The following EYA1 variants were observed in gnomAD, a reference collection of about 807,000 sequenced individuals.
The protein encoded by EYA1 is EYA transcriptional coactivator and phosphatase 1.
EYA1 carries 16 observed loss-of-function variants against 82.0 expected under a neutral mutation model. The observed-to-expected ratio is 0.20, with a 90% CI of 0.13 to 0.30. EYA1 has a LOEUF of 0.30. EYA1 is among the 10% of genes least tolerant of loss of function. The pLI, the probability that EYA1 is intolerant of heterozygous loss-of-function variation, is 1.00. For synonymous variants in EYA1, 261 were observed against 264.4 expected, an observed-to-expected ratio of 0.99 and a Z score of 0.12; for missense variants, 633 against 730.7, an observed-to-expected ratio of 0.87 and a Z score of 1.54.
At chr8:71,498,133 T>C (rs1046524907) in intron 2 of EYA1, among the ~76,000 whole-genome samples, 6 of 152,194 alleles carry the variant, frequency 3.9e-5, no homozygotes, top group Non-Finnish European at 8.8e-5. Flanking sequence ...AAGAGATCTA[T>C]TGATCAACAC....
intron 2 of EYA1, among the ~76,000 whole-genome samples, chr8:71,504,048 A>G (rs904558330): frequency 2.0e-5 from 3 of 152,152 alleles, no homozygotes; most frequent in African/African-American, 7.2e-5. Flanking sequence ...GTGTACATAA[A>G]TGTTTTATTT....
intron 1 of EYA1, among the ~76,000 whole-genome samples, chr8:71,546,799 T>A (rs1056845448): frequency 6.6e-6 from 1 of 152,164 alleles, no homozygotes; most frequent in Non-Finnish European, 1.5e-5. Flanking sequence ...CCACAACGCC[T>A]GGCCCGATTC....
At position 71,305,189 on chromosome 8, in the gene EYA1, C is replaced by A. The variant is rs779204840; in HGVS notation, c.557-5469G>T. 7.7e-5 allele frequency among the ~76,000 whole-genome samples: 11 copies of A among 143,210 alleles called. No homozygotes were observed. In the South Asian group the frequency reaches 1.4e-3, roughly 18 times the overall value. The allele number at this position is 143,210 out of a possible 152,430, so 94.0% of individuals were successfully genotyped here. On this transcript the variant is annotated intron_variant, in intron 7 of 17. Coordinates refer to ENST00000340726, the MANE Select transcript of EYA1 (RefSeq NM_000503.6). ...AATCAAAATAATATAGAAGTATTTT[C>A]TTTTCTAGAAACAAATGACTTTACA...
chr8:71,417,487 C>T (rs1830918052), intron 2 of EYA1, among the ~76,000 whole-genome samples: 1 of 152,080 alleles, frequency 6.6e-6, no homozygotes, highest in Admixed American at 6.5e-5. Context: ...CTGAGCATTC[C>T]ATTATATCGA....
At chr8:71,267,972 G>A (rs1395834797) in intron 11 of EYA1, among the ~76,000 whole-genome samples, 1 of 152,182 alleles carries the variant, frequency 6.6e-6, no homozygotes, top group Non-Finnish European at 1.5e-5. Flanking sequence ...TTAAACTCAT[G>A]GTATTTGTAA....
rs564481190 is a variant in EYA1, at chr8:71,404,676, T to G, written c.34-48165A>C. The G allele has an allele frequency of 4.6e-5, 7 of 152,394 alleles. 1 individual carries two copies. The East Asian group carries it at 1.4e-3, about 29-fold the overall frequency. 9.4% of individuals were successfully genotyped at this position (152,394 alleles called of 1,614,324 possible). A position where few individuals can be genotyped will look rare whatever the true frequency, so the allele number is the denominator to read the frequency against. ...GCTCATGCCTGTAATCCCAGCACTT[T>G]GGGAGGCCAAGGCGGGTGGATCACG... On this transcript the variant is annotated intron_variant, in intron 2 of 18. Coordinates refer to the EYA1 transcript ENST00000643681.
chr8:71,278,909 T>C (rs182476606), intron 9 of EYA1, among the ~76,000 whole-genome samples: 76 of 152,204 alleles, frequency 5.0e-4, no homozygotes, highest in Admixed American at 8.5e-4. Context: ...TTTGGGAGGG[T>C]GGAGGCCCTC....
chr8:71,294,231 G>A (rs1819331520), intron 9 of EYA1, among the ~76,000 whole-genome samples: 2 of 152,072 alleles, frequency 1.3e-5, no homozygotes, highest in South Asian at 2.1e-4. Context: ...AGGCCGAGGC[G>A]GGTGGATCAC....
chr8:71,387,337 G>T (rs1292264802), intron 2 of EYA1, among the ~76,000 whole-genome samples: 1 of 152,178 alleles, frequency 6.6e-6, no homozygotes, highest in African/African-American at 2.4e-5. Context: ...ATGCAGATGG[G>T]TGTTGACATT....
At chr8:71,505,573 T>C (rs1812136869) in intron 2 of EYA1, among the ~76,000 whole-genome samples, 1 of 152,184 alleles carries the variant, frequency 6.6e-6, no homozygotes, top group Admixed American at 6.5e-5. Flanking sequence ...AAGTTAGGGA[T>C]GCTTTTACAG....
In EYA1 at chr8:71,517,707, C is replaced by CTATATATATATA. The variant is rs60132408; in HGVS notation, c.33+18025_33+18036dup. On this transcript the variant is annotated intron_variant, in intron 2 of 18. Transcript: ENST00000643681. ...GTTGTTCACAAGATAGGAAAACATA[C>CTATATATATATA]TATATATATATATATATATAACTGT... is the stretch of plus-strand genomic sequence containing the variant. Among the ~76,000 whole-genome samples the CTATATATATATA allele has an allele frequency of 1.2e-3, 177 of 141,642 alleles. 1 individual carries two copies. Among genetic ancestry groups the CTATATATATATA allele is most frequent in the Non-Finnish European group, 2.3e-3 (151 of 65,512 alleles). 92.9% of individuals were successfully genotyped at this position (141,642 alleles called of 152,430 possible). A position where few individuals can be genotyped will look rare whatever the true frequency, so the allele number is the denominator to read the frequency against.
At chr8:71,234,448 G>A (rs191883560) in intron 12 of EYA1, among the ~76,000 whole-genome samples, 2 of 152,162 alleles carry the variant, frequency 1.3e-5, no homozygotes, top group Admixed American at 1.3e-4. Flanking sequence ...GTGCTTATCA[G>A]GGTCATTAAC....
At chr8:71,398,884 G>C (rs1238320054) in intron 2 of EYA1, among the ~76,000 whole-genome samples, 2 of 152,204 alleles carry the variant, frequency 1.3e-5, no homozygotes, top group African/African-American at 4.8e-5. Flanking sequence ...GCTATGCCCT[G>C]CCCCAAGAGG....
chr8:71,392,462 C>G (rs1334472420), intron 2 of EYA1, among the ~76,000 whole-genome samples: 1 of 152,134 alleles, frequency 6.6e-6, no homozygotes, highest in African/African-American at 2.4e-5. Flanking sequence ...TTTGCTCTTC[C>G]TCCCTAATCT....
intron 12 of EYA1, among the ~76,000 whole-genome samples, chr8:71,220,517 T>A (rs1245216829): frequency 6.6e-6 from 1 of 152,204 alleles, no homozygotes; most frequent in East Asian, 1.9e-4. Flanking sequence ...ATGGGTATCT[T>A]AGCTTAGAAA....
intron 11 of EYA1, 51 bp from the exon 12 acceptor site, chr8:71,244,743 A>C (rs1240517239): frequency 1.9e-6 from 2 of 1,075,926 alleles, no homozygotes; most frequent in Non-Finnish European, 2.9e-6. Context: ...AGGTTACATG[A>C]AAGAGAGTGT....
chr8:71,518,079 T>C (rs534137591), intron 2 of EYA1, among the ~76,000 whole-genome samples: 12 of 152,146 alleles, frequency 7.9e-5, no homozygotes, highest in African/African-American at 2.9e-4. Flanking sequence ...AAGGATAGAA[T>C]TACAAATTAG....
At chr8:71,452,228 G>A (rs1041950681) in intron 2 of EYA1, among the ~76,000 whole-genome samples, 3 of 152,176 alleles carry the variant, frequency 2.0e-5, no homozygotes, top group Non-Finnish European at 4.4e-5. Flanking sequence ...GGGAAGGGGC[G>A]CCCGCCATTG....
chr8:71,489,809 T>A (rs1224795218), intron 2 of EYA1, among the ~76,000 whole-genome samples: 1 of 152,244 alleles, frequency 6.6e-6, no homozygotes, highest in Non-Finnish European at 1.5e-5. Context: ...TTAATCAACT[T>A]CAGTTGACAA....
Sources: gnomAD v4.1 joint callset for allele counts (sites outside exome capture counted in the v4.1 genomes callset) on GRCh38, gnomAD v4.1.1 for gene constraint, MANE v1.5 for transcripts, NCBI Gene and HGNC (gene_info 2026-07-23, HGNC 2026-07-21) for gene names.